DSE: variants seen among roughly 807,000 people sequenced by gnomAD.
The protein encoded by DSE is dermatan sulfate epimerase.
A neutral mutation model predicts 84.4 loss-of-function variants in DSE; 36 were observed. The ratio of observed to expected loss-of-function variants is 0.43; its 90% CI spans 0.33 to 0.56. The LOEUF is 0.56. Among genes scored for constraint, DSE ranks in the 20% least tolerant of loss-of-function variants. The probability of loss-of-function intolerance (pLI) is 0.06; values close to 1 mark genes in which losing one functional copy is unlikely to be tolerated. For missense variants in DSE, 862 were observed against 1,169.6 expected, an observed-to-expected ratio of 0.74 and a Z score of 3.84; for synonymous variants, 410 against 430.1, an observed-to-expected ratio of 0.95 and a Z score of 0.58.
intron 2 of DSE, among the ~76,000 whole-genome samples, chr6:116,346,797 G>C (rs1221435568): frequency 2.0e-5 from 3 of 152,118 alleles, no homozygotes; most frequent in Non-Finnish European, 4.4e-5. Flanking sequence ...AAGAAATAAA[G>C]GGTATTGGAT....
chr6:116,346,798 G>A (rs928435419), intron 2 of DSE, among the ~76,000 whole-genome samples: 3 of 152,074 alleles, frequency 2.0e-5, no homozygotes, highest in Non-Finnish European at 4.4e-5. Context: ...AGAAATAAAG[G>A]GTATTGGATT....
chr6:116,425,686 G>T (rs1002575036), intron 2 of DSE, among the ~76,000 whole-genome samples: 1 of 146,664 alleles, frequency 6.8e-6, no homozygotes, highest in Non-Finnish European at 1.5e-5. Flanking sequence ...GCAGTGGCGC[G>T]ATCTCGGCTC....
intron 2 of DSE, among the ~76,000 whole-genome samples, chr6:116,264,027 AT>A (rs1381441353): frequency 2.0e-5 from 3 of 151,946 alleles, no homozygotes; most frequent in South Asian, 4.2e-4. Context: ...CACCTTTGAC[AT>A]TTTTCTTTCA....
intron 2 of DSE, among the ~76,000 whole-genome samples, chr6:116,325,116 AT>A (rs67783132): frequency 0.24 from 36,925 of 152,158 alleles, 5,751 homozygotes; most frequent in Non-Finnish European, 0.36. Flanking sequence ...ACCCCGAATC[AT>A]GTCTGGTGGC....
At chr6:116,387,487 G>A (rs1780643867) in intron 1 of DSE, among the ~76,000 whole-genome samples, 3 of 152,154 alleles carry the variant, frequency 2.0e-5, no homozygotes, top group African/African-American at 4.8e-5. Flanking sequence ...GAAGGAGGTG[G>A]GAGTGAGCAA....
intron 2 of DSE, among the ~76,000 whole-genome samples, chr6:116,351,577 AT>A (rs766020287): frequency 3.9e-5 from 6 of 152,094 alleles, no homozygotes; most frequent in Non-Finnish European, 7.4e-5. Flanking sequence ...AATAACTATT[AT>A]TTTTACCTCA....
chr6:116,298,115 T>C (rs1774780149), intron 2 of DSE, among the ~76,000 whole-genome samples: 1 of 152,224 alleles, frequency 6.6e-6, no homozygotes, highest in African/African-American at 2.4e-5. Context: ...AACATTTCTG[T>C]GTCCTCATTG....
At chr6:116,333,880 T>C (rs1777092881) in intron 2 of DSE, among the ~76,000 whole-genome samples, 1 of 152,162 alleles carries the variant, frequency 6.6e-6, no homozygotes, top group African/African-American at 2.4e-5. Flanking sequence ...TTACAAAATA[T>C]TGCAATTCTT....
At chr6:116,398,229 T>G (rs1781376530) in intron 1 of DSE, among the ~76,000 whole-genome samples, 1 of 152,232 alleles carries the variant, frequency 6.6e-6, no homozygotes, top group African/African-American at 2.4e-5. Flanking sequence ...GGACATTGAC[T>G]AGGCTGAGGT....
chr6:116,347,094 A>C (rs1778023289), intron 2 of DSE, among the ~76,000 whole-genome samples: 1 of 152,240 alleles, frequency 6.6e-6, no homozygotes, highest in Admixed American at 6.5e-5. Context: ...GGAGAACTAC[A>C]GACCACTGCT....
At chr6:116,377,360 A>G (rs1779989476) in intron 1 of DSE, among the ~76,000 whole-genome samples, 1 of 152,198 alleles carries the variant, frequency 6.6e-6, no homozygotes, top group South Asian at 2.1e-4. Context: ...TTTATTGATG[A>G]AGTACGAAGG....
chr6:116,364,828 C>CTTTTTTTT (rs1211909933), intron 2 of DSE, among the ~76,000 whole-genome samples: 2 of 131,196 alleles, frequency 1.5e-5, no homozygotes, highest in South Asian at 2.4e-4. Flanking sequence ...TTTAGTAACA[C>CTTTTTTTT]TTTTTTTTTT....
At chr6:116,284,066 G>A (rs1364711278) in intron 2 of DSE, among the ~76,000 whole-genome samples, 2 of 152,100 alleles carry the variant, frequency 1.3e-5, no homozygotes, top group African/African-American at 2.4e-5. Context: ...TACCCCCAAA[G>A]ATAGTTGAAT....
chr6:116,370,454 TA>T (rs1272432054), upstream of DSE: 1 of 987,584 alleles, frequency 1.0e-6, no homozygotes, highest in East Asian at 1.1e-4. Context: ...AAAGAGGCAG[TA>T]ACTATTCGGG....
chr6:116,270,679 C>T (rs1226057386), intron 2 of DSE, among the ~76,000 whole-genome samples: 6 of 152,280 alleles, frequency 3.9e-5, no homozygotes, highest in Admixed American at 1.3e-4. Flanking sequence ...TATTGTTTAA[C>T]ATAAACATAT....
chr6:116,414,192 A>G (rs1266252218), intron 2 of DSE, among the ~76,000 whole-genome samples: 2 of 152,222 alleles, frequency 1.3e-5, no homozygotes, highest in Non-Finnish European at 2.9e-5. Flanking sequence ...GTCTGAAATC[A>G]AGATATCAAT....
chr6:116,258,188 T>G (rs975029961), intron 1 of DSE, among the ~76,000 whole-genome samples: 2 of 151,800 alleles, frequency 1.3e-5, no homozygotes, highest in Non-Finnish European at 2.9e-5. Flanking sequence ...GCTAATTTTT[T>G]TTTTTTTAGT....
intron 2 of DSE, among the ~76,000 whole-genome samples, chr6:116,419,944 A>ATGTATGATTTATATGT (rs1782961115): frequency 6.6e-6 from 1 of 152,192 alleles, no homozygotes; most frequent in Non-Finnish European, 1.5e-5. Context: ...AGTCTCATTT[A>ATGTATGATTTATATGT]AATACACTTT....
chr6:116,435,413 G>T (rs1784082454), intron 5 of DSE, among the ~76,000 whole-genome samples, 174 bp from the exon 6 acceptor site: 1 of 152,120 alleles, frequency 6.6e-6, no homozygotes, highest in Non-Finnish European at 1.5e-5. Context: ...AGTCACCAAG[G>T]GTTTCCCTTT....
Sources: allele counts gnomAD v4.1 joint callset (sites outside exome capture counted in the v4.1 genomes callset), GRCh38; gene constraint gnomAD v4.1.1; transcripts MANE v1.5; gene names NCBI Gene and HGNC (gene_info 2026-07-23, HGNC 2026-07-21).